The following RABGAP1L variants were observed in gnomAD, a reference collection of about 807,000 sequenced individuals.
RABGAP1L encodes the protein rab GTPase-activating protein 1-like.
RABGAP1L carries 63 observed loss-of-function variants against 137.7 expected under a neutral mutation model. The ratio of observed to expected loss-of-function variants is 0.46; its 90% CI spans 0.37 to 0.56. The LOEUF is 0.56. Among genes scored for constraint, RABGAP1L ranks in the 20% least tolerant of loss-of-function variants. The pLI is 0.00. For synonymous variants in RABGAP1L, 431 were observed against 433.7 expected (o/e 0.99, Z 0.08); for missense variants, 1,095 against 1,244.0 (o/e 0.88, Z 1.80).
At chr1:174,417,646 G>A (rs1650759060) in intron 13 of RABGAP1L, among the ~76,000 whole-genome samples, 1 of 152,120 alleles carries the variant, frequency 6.6e-6, no homozygotes, top group South Asian at 2.1e-4. Context: ...TTGGGTATAT[G>A]GATTTGTATT....
intron 7 of RABGAP1L, among the ~76,000 whole-genome samples, chr1:174,258,833 A>G (rs1673337914): frequency 6.6e-6 from 1 of 151,908 alleles, no homozygotes; most frequent in East Asian, 1.9e-4. Flanking sequence ...ACTGGAGTGC[A>G]GTGATGTGAT....
At chr1:174,430,783 TA>T (rs966745593) in intron 13 of RABGAP1L, among the ~76,000 whole-genome samples, 1 of 152,200 alleles carries the variant, frequency 6.6e-6, no homozygotes. Context: ...ATAAGTGATA[TA>T]AAAAATAATT....
At chr1:174,635,482 A>G (rs548707351) in intron 13 of RABGAP1L, among the ~76,000 whole-genome samples, 9 of 152,298 alleles carry the variant, frequency 5.9e-5, no homozygotes, top group East Asian at 1.9e-4. Context: ...GATAAAAGAA[A>G]TGTTTCATAA....
chr1:174,176,579 G>A (rs1035148151), intron 1 of RABGAP1L, among the ~76,000 whole-genome samples: 1 of 151,698 alleles, frequency 6.6e-6, no homozygotes, highest in African/African-American at 2.4e-5. Flanking sequence ...AGGCATGGTG[G>A]CACATGCCTG....
chr1:174,919,731 C>A (rs1661489145), intron 19 of RABGAP1L, among the ~76,000 whole-genome samples: 1 of 152,090 alleles, frequency 6.6e-6, no homozygotes, highest in Admixed American at 6.5e-5. Context: ...GTGGTTATGC[C>A]TGTAGTCCCA....
chr1:174,794,784 C>T (rs1260080498), intron 18 of RABGAP1L, among the ~76,000 whole-genome samples: 1 of 152,168 alleles, frequency 6.6e-6, no homozygotes, highest in Non-Finnish European at 1.5e-5. Flanking sequence ...GTCCATCACA[C>T]CCTACTTTAT....
At chr1:174,443,096 CT>C (rs952534962) in intron 13 of RABGAP1L, among the ~76,000 whole-genome samples, 7 of 152,030 alleles carry the variant, frequency 4.6e-5, no homozygotes, top group South Asian at 2.1e-4. Flanking sequence ...ATACATATTG[CT>C]TTTTTTCCCC....
intron 13 of RABGAP1L, among the ~76,000 whole-genome samples, chr1:174,491,313 C>G (rs1405999831): frequency 6.6e-6 from 1 of 151,978 alleles, no homozygotes; most frequent in Non-Finnish European, 1.5e-5. Flanking sequence ...CTGGGTACTT[C>G]CTTTCAAGTC....
intron 19 of RABGAP1L, among the ~76,000 whole-genome samples, chr1:174,870,786 G>T: frequency 6.7e-6 from 1 of 148,198 alleles, no homozygotes; most frequent in African/African-American, 2.5e-5. Context: ...TGCCCAGGCT[G>T]GAGTGCAGTG....
Position 174,393,874 on chromosome 1 carries a change from C to G in RABGAP1L, c.1560-121C>G, listed in dbSNP as rs775292438. On this transcript the variant is annotated intron_variant, in intron 12 of 25. Transcript: ENST00000681986. ...GCAGTACTATTGTTTAATGCCCCCC[C>G]ACAAACTGTTTTCTCTTGACCCAAG... is the stretch of plus-strand genomic sequence containing the variant. 2.7e-6 allele frequency: 3 copies of G among 1,092,128 alleles called. No homozygotes were observed. In the African/African-American group the frequency reaches 4.7e-5, roughly 17 times the overall value. 67.7% of individuals were successfully genotyped at this position (1,092,128 alleles called of 1,614,324 possible). A position where few individuals can be genotyped will look rare whatever the true frequency, so the allele number is the denominator to read the frequency against.
At chr1:174,521,448 G>A (rs544525316) in intron 13 of RABGAP1L, among the ~76,000 whole-genome samples, 2 of 152,174 alleles carry the variant, frequency 1.3e-5, no homozygotes, top group East Asian at 3.9e-4. Flanking sequence ...CAGATTTTTT[G>A]CTTCATGAAT....
chr1:174,189,257 T>A (rs1667033704), intron 1 of RABGAP1L, among the ~76,000 whole-genome samples: 1 of 152,142 alleles, frequency 6.6e-6, no homozygotes, highest in South Asian at 2.1e-4. Context: ...CACCCACCTC[T>A]GCCTCCCAAA....
intron 13 of RABGAP1L, among the ~76,000 whole-genome samples, chr1:174,600,686 G>T (rs1414326628): frequency 6.6e-6 from 1 of 152,188 alleles, no homozygotes; most frequent in Non-Finnish European, 1.5e-5. Flanking sequence ...TGCAAGAGGT[G>T]GGTTCCCATC....
At chr1:174,387,569 A>G (rs1212569636) in intron 12 of RABGAP1L, among the ~76,000 whole-genome samples, 1 of 150,316 alleles carries the variant, frequency 6.7e-6, no homozygotes, top group African/African-American at 2.5e-5. Context: ...GGAAGGTAAT[A>G]TTGGAGTAGG....
rs1672022966 is a variant in RABGAP1L at position 174,991,025 on chromosome 1, C to T, written c.*1024C>T. ...CACATCATCTTAGTTTAATGCTGGG[C>T]AACTTTTTCTGATTTCTGTAGTTCC... is the stretch of plus-strand genomic sequence containing the variant. On this transcript the variant is annotated 3_prime_UTR_variant, in exon 26 of 26. Coordinates refer to ENST00000681986, the MANE Select transcript of RABGAP1L (RefSeq NM_001366446.1). The T allele has an allele frequency of 6.6e-6, 1 of 152,170 alleles. No individual in the cohort carries two copies. The highest frequency in any genetic ancestry group is 2.4e-5 in the African/African-American group (1 of 41,440). The allele number at this position is 152,170 out of a possible 1,614,324, so 9.4% of individuals were successfully genotyped here. A position where few individuals can be genotyped will look rare whatever the true frequency, so the allele number is the denominator to read the frequency against.
intron 14 of RABGAP1L, among the ~76,000 whole-genome samples, chr1:174,664,980 G>A (rs1393390435): frequency 3.3e-5 from 5 of 151,956 alleles, no homozygotes; most frequent in Non-Finnish European, 4.4e-5. Context: ...CAGGTGATCC[G>A]TTCGCCTCAG....
intron 1 of RABGAP1L, among the ~76,000 whole-genome samples, chr1:174,213,147 G>A (rs1277631373): frequency 6.6e-6 from 1 of 152,146 alleles, no homozygotes; most frequent in African/African-American, 2.4e-5. Context: ...TATTCCAGCT[G>A]GGCATGGTGG....
chr1:174,679,112 G>T (rs993381647), intron 14 of RABGAP1L, among the ~76,000 whole-genome samples: 1 of 152,172 alleles, frequency 6.6e-6, no homozygotes, highest in Non-Finnish European at 1.5e-5. Flanking sequence ...CCCGATCATT[G>T]TCCCTCCTCC....
chr1:174,919,066 TGGGG>T (rs1227088808), intron 19 of RABGAP1L, among the ~76,000 whole-genome samples: 4 of 151,276 alleles, frequency 2.6e-5, no homozygotes, highest in Non-Finnish European at 4.4e-5. Flanking sequence ...TCACCCAGGC[TGGGG>T]TGCAATGGCA....
Sources: allele counts gnomAD v4.1 joint callset (sites outside exome capture counted in the v4.1 genomes callset), GRCh38; gene constraint gnomAD v4.1.1; transcripts MANE v1.5; gene names NCBI Gene and HGNC (gene_info 2026-07-23, HGNC 2026-07-21).